Variants in MAPK6 observed in about 807,000 individuals in gnomAD.
MAPK6 encodes mitogen-activated protein kinase 6.
MAPK6 carries 19 observed loss-of-function variants against 59.3 expected under a neutral mutation model. That is an observed-to-expected ratio of 0.32 (90% CI 0.22 to 0.47). The LOEUF (loss-of-function observed/expected upper bound fraction) is 0.47, where lower values mean the gene tolerates loss of function less well. MAPK6 is among the 20% of genes least tolerant of loss of function. MAPK6 has a pLI of 1.00. For synonymous variants in MAPK6, 316 were observed against 290.3 expected (o/e 1.09, Z -0.90); for missense variants, 724 against 847.9 (o/e 0.85, Z 1.81).
Position 52,064,098 on chromosome 15 carries a change from G to A in MAPK6, c.1264G>A (p.Glu422Lys). 1 of 1,612,170 alleles carries A rather than the reference G, an allele frequency of 6.2e-7. No individual in the cohort carries two copies. The highest frequency in any genetic ancestry group is 8.5e-7 in the Non-Finnish European group (1 of 1,178,832). ...TGCTTTTGATACCAATTACTCTACT[G>A]AGCCTTGTTGGCAATACTCAGATCA... is the stretch of plus-strand genomic sequence containing the variant. ...DPAFDTNYST[E>K]PCWQYSDHHE... The change falls in exon 6 of 6, where the codon GAG becomes AAG. Residue 422 changes from glutamate (E) to lysine (K), a missense_variant. Physicochemically the swap from Glu to Lys is moderately conservative, Grantham distance 56 (BLOSUM62 1). Around this residue, in one of 4 missense-constraint regions of MAPK6, gnomAD observed 502 missense variants for 507.6 expected, o/e 0.99. Coordinates refer to ENST00000261845, the MANE Select transcript of MAPK6 (RefSeq NM_002748.4).
intron 1 of MAPK6, chr15:52,033,900 T>C (rs2031140315): frequency 6.6e-6 from 1 of 152,046 alleles, no homozygotes; most frequent in African/African-American, 2.4e-5. Flanking sequence ...TAGTGATAAA[T>C]CAGCTATCAT....
chr15:51,974,099 GTTTAT>G (rs1379786507), intron 1 of MAPK6, among the ~76,000 whole-genome samples: 1 of 151,772 alleles, frequency 6.6e-6, no homozygotes, highest in African/African-American at 2.4e-5. Flanking sequence ...TTTGATTGAA[GTTTAT>G]TTTATTTTTA....
chr15:52,052,989 C>G (rs2031829812), intron 3 of MAPK6, among the ~76,000 whole-genome samples: 1 of 152,086 alleles, frequency 6.6e-6, no homozygotes, highest in African/African-American at 2.4e-5. Flanking sequence ...ATTTTACATT[C>G]CCACCACCAA....
chr15:52,032,300 C>T (rs1279297263), intron 1 of MAPK6, among the ~76,000 whole-genome samples: 1 of 149,776 alleles, frequency 6.7e-6, no homozygotes, highest in African/African-American at 2.5e-5. Context: ...AAGCGATTCT[C>T]CTGCCTCAGC....
intron 3 of MAPK6, among the ~76,000 whole-genome samples, chr15:52,057,558 C>CA (rs11322169): frequency 0.018 from 2,655 of 149,272 alleles, 90 homozygotes; most frequent in African/African-American, 0.062. Flanking sequence ...TCCTTTGTCT[C>CA]AAAAAAAAAA....
chr15:51,981,942 G>T lies in MAPK6; in HGVS notation c.-879-1264G>T, dbSNP rs575590207. Among the ~76,000 whole-genome samples the T allele has an allele frequency of 1.2e-4, 18 of 152,250 alleles. No homozygotes were observed. The East Asian group carries it at 3.3e-3, about 28-fold the overall frequency. ...ATAGATTAAGAATACAAAGGGAAAGGAGTGACAGAAGGGGATGGAAAAATA... is the reference window on the plus strand; with the variant it reads ...ATAGATTAAGAATACAAAGGGAAAGTAGTGACAGAAGGGGATGGAAAAATA... On this transcript the variant is annotated intron_variant, in intron 1 of 7. Coordinates refer to the MAPK6 transcript ENST00000691380.
At chr15:52,049,387 T>G in intron 2 of MAPK6, among the ~76,000 whole-genome samples, 1 of 145,116 alleles carries the variant, frequency 6.9e-6, no homozygotes, top group African/African-American at 2.6e-5. Flanking sequence ...AAAGACAGGG[T>G]CTTGCTCTTT....
chr15:52,035,005 T>G (rs1295110125), intron 1 of MAPK6, among the ~76,000 whole-genome samples: 1 of 152,218 alleles, frequency 6.6e-6, no homozygotes, highest in Non-Finnish European at 1.5e-5. Context: ...CCTGGCCTTG[T>G]TATCTCTTCA....
In MAPK6 at chr15:52,064,050, C is replaced by A. The variant is rs559503234; in HGVS notation, c.1216C>A (p.Arg406=). 35 of 1,613,620 alleles carry A rather than the reference C, an allele frequency of 2.2e-5. No individual in the cohort carries two copies. Among genetic ancestry groups the A allele is most frequent in the Non-Finnish European group, 2.9e-5 (34 of 1,179,722 alleles). Reference sequence around the variant, plus strand: ...TCCCCGAAAATATTTGGATGGAGATCGGGAAAAGTATCTGGAGGATCCTGC... The same window carrying A: ...TCCCCGAAAATATTTGGATGGAGATAGGGAAAAGTATCTGGAGGATCCTGC... The part of the protein sequence containing the change: ...VDPRKYLDGD[R]EKYLEDPAFD... The change falls in exon 6 of 6, where the codon CGG becomes AGG. Residue 406 remains arginine (R), a synonymous_variant. Coordinates refer to ENST00000261845, the MANE Select transcript of MAPK6 (RefSeq NM_002748.4).
intron 2 of MAPK6, among the ~76,000 whole-genome samples, chr15:51,995,929 A>AC (rs1165618307): frequency 2.6e-5 from 4 of 151,708 alleles, no homozygotes; most frequent in Admixed American, 2.6e-4. Context: ...TTCCGTTTCA[A>AC]AAAAAAAGAA....
At chr15:51,994,093 TG>T (rs1488804308) in intron 2 of MAPK6, among the ~76,000 whole-genome samples, 1 of 152,120 alleles carries the variant, frequency 6.6e-6, no homozygotes, top group Non-Finnish European at 1.5e-5. Context: ...CCCGAATAGC[TG>T]GGATTACAGG....
At chr15:51,987,596 G>A (rs995120508) in intron 2 of MAPK6, among the ~76,000 whole-genome samples, 14 of 152,020 alleles carry the variant, frequency 9.2e-5, no homozygotes, top group African/African-American at 3.1e-4. Context: ...TCCAGCCTGG[G>A]TGATAGAGTG....
intron 2 of MAPK6, among the ~76,000 whole-genome samples, chr15:51,999,670 A>G (rs7359204): frequency 0.096 from 14,640 of 151,860 alleles, 1,687 homozygotes; most frequent in African/African-American, 0.27. Context: ...TTGAGACAGG[A>G]TCTGGCTCTG....
Position 51,982,133 on chromosome 15 carries a change from T to G in MAPK6, c.-879-1073T>G, listed in dbSNP as rs148236250. The stretch of plus-strand genomic sequence containing the variant: ...AATAGAAAGGAACCACTAAAACAGA[T>G]CCGGCTCAAACACAAAGCAAAACTG... On this transcript the variant is annotated intron_variant, in intron 1 of 7. Transcript: ENST00000691380. Among the ~76,000 whole-genome samples, 673 of 152,212 alleles carry G rather than the reference T, an allele frequency of 4.4e-3. 6 individuals are homozygous for G. The highest frequency in any genetic ancestry group is 0.018 in the Admixed American group (279 of 15,266).
chr15:52,023,399 C>T (rs780860154), intron 1 of MAPK6, among the ~76,000 whole-genome samples: 16 of 152,150 alleles, frequency 1.1e-4, no homozygotes, highest in Non-Finnish European at 1.9e-4. Flanking sequence ...GGGAATTTTG[C>T]TCATTTTTAT....
intron 1 of MAPK6, among the ~76,000 whole-genome samples, chr15:52,029,129 CTGGG>C (rs1182414916): frequency 6.6e-6 from 1 of 152,216 alleles, no homozygotes; most frequent in East Asian, 1.9e-4. Context: ...CCTCCATCTA[CTGGG>C]TTCAAGTGAT....
At chr15:51,999,064 C>T (rs1000504765) in intron 2 of MAPK6, among the ~76,000 whole-genome samples, 11 of 150,794 alleles carry the variant, frequency 7.3e-5, no homozygotes, top group African/African-American at 2.4e-4. Flanking sequence ...GGCACCACCT[C>T]GGCTCACTGC....
chr15:51,988,490 T>A (rs2057197932), intron 2 of MAPK6, among the ~76,000 whole-genome samples: 1 of 151,988 alleles, frequency 6.6e-6, no homozygotes, highest in African/African-American at 2.4e-5. Context: ...TCCCAGCACT[T>A]TGGGAGGCCA....
chr15:52,032,721 G>A (rs969493047), intron 1 of MAPK6, among the ~76,000 whole-genome samples: 1 of 150,748 alleles, frequency 6.6e-6, no homozygotes. Context: ...TTTCGCTCTT[G>A]TTGCCCAGGC....
Sources: gnomAD v4.1 joint callset for allele counts (sites outside exome capture counted in the v4.1 genomes callset) on GRCh38, gnomAD v4.1.1 for gene constraint, gnomAD v4.1.1 regional missense constraint, MANE v1.5 for transcripts, NCBI Gene and HGNC (gene_info 2026-07-23, HGNC 2026-07-21) for gene names.